MALRD1: variants seen among roughly 807,000 people sequenced by gnomAD.
MALRD1 encodes the protein MAM and LDL receptor class A domain containing 1.
MALRD1 carries 247 observed loss-of-function variants against 242.1 expected under a neutral mutation model. The ratio of observed to expected loss-of-function variants is 1.02; its 90% CI spans 0.92 to 1.13. MALRD1 has a LOEUF of 1.13. Ranked by LOEUF, MALRD1 falls within the 50% of genes most tolerant of loss-of-function variation. The pLI is 0.00. For synonymous variants in MALRD1, 995 were observed against 866.6 expected, an observed-to-expected ratio of 1.15 and a Z score of -2.60; for missense variants, 2,989 against 2,533.1, an observed-to-expected ratio of 1.18 and a Z score of -3.86.
chr10:19,177,129 A>C (rs988281913), intron 14 of MALRD1, among the ~76,000 whole-genome samples: 1 of 151,844 alleles, frequency 6.6e-6, no homozygotes, highest in Non-Finnish European at 1.5e-5. Flanking sequence ...ATACAAAAAA[A>C]TTAGCCAGGG....
At chr10:19,454,761 C>T (rs916195420) in intron 29 of MALRD1, among the ~76,000 whole-genome samples, 7 of 149,278 alleles carry the variant, frequency 4.7e-5, no homozygotes, top group African/African-American at 1.2e-4. Context: ...TTATATGTAC[C>T]GTAATATGTA....
At chr10:19,617,601 T>A (rs1262440245) in intron 36 of MALRD1, among the ~76,000 whole-genome samples, 1 of 152,016 alleles carries the variant, frequency 6.6e-6, no homozygotes, top group African/African-American at 2.4e-5. Context: ...TGAGTCTTTT[T>A]AAAATATACA....
At chr10:19,428,854 C>G (rs1834006688) in intron 28 of MALRD1, among the ~76,000 whole-genome samples, 1 of 152,032 alleles carries the variant, frequency 6.6e-6, no homozygotes, top group Non-Finnish European at 1.5e-5. Context: ...GAGAAATAAC[C>G]ATAAATTCAA....
At chr10:19,349,359 G>A (rs1284281839) in intron 25 of MALRD1, among the ~76,000 whole-genome samples, 1 of 152,156 alleles carries the variant, frequency 6.6e-6, no homozygotes, top group Admixed American at 6.6e-5. Flanking sequence ...CACTGCCATA[G>A]TATTAATACA....
At position 19,494,370 on chromosome 10, in the gene MALRD1, A is replaced by C. The variant is rs149831409; in HGVS notation, c.5158+2725A>C. Among the ~76,000 whole-genome samples, 8 of 152,342 alleles carry C rather than the reference A, an allele frequency of 5.3e-5. No homozygotes were observed. In the East Asian group the frequency reaches 1.5e-3, roughly 29 times the overall value. On this transcript the variant is annotated intron_variant, in intron 30 of 39. Transcript: ENST00000454679. ...AAGAACTCTGGCAACTCAAATGGCCAGAGTGTCTTCTGTTCTCCAAAGGAC... is the reference window on the plus strand; with the variant it reads ...AAGAACTCTGGCAACTCAAATGGCCCGAGTGTCTTCTGTTCTCCAAAGGAC...
Position 19,387,775 on chromosome 10 carries a change from TAGGTTA to T in MALRD1, c.4687+3_4687+8del. 6.5e-7 allele frequency: 1 copy of T among 1,546,134 alleles called. No individual in the cohort carries two copies. Among genetic ancestry groups the T allele is most frequent in the East Asian group, 2.4e-5 (1 of 40,878 alleles). ...ACCACACACTTGGAAATGAAAATGGTAGGTTATTAGATTGTTGTAATTGCTTTCACA... is the reference window on the plus strand; with the variant it reads ...ACCACACACTTGGAAATGAAAATGGTTTAGATTGTTGTAATTGCTTTCACA... On this transcript the variant is annotated splice_donor_5th_base_variant and intron_variant, in intron 27 of 39. Transcript: ENST00000454679.
intron 18 of MALRD1, among the ~76,000 whole-genome samples, chr10:19,239,388 G>A (rs1577295): frequency 6.6e-6 from 1 of 151,934 alleles, no homozygotes; most frequent in Non-Finnish European, 1.5e-5. Flanking sequence ...CTTATATAAT[G>A]TGGGCATTAA....
chr10:19,299,121 C>T (rs1009310305), intron 21 of MALRD1, among the ~76,000 whole-genome samples: 12 of 151,652 alleles, frequency 7.9e-5, no homozygotes, highest in African/African-American at 2.9e-4. Flanking sequence ...GAAAAGCTGA[C>T]AGATAAATGT....
At chr10:19,627,759 T>TAAAA (rs553942713) in intron 36 of MALRD1, among the ~76,000 whole-genome samples, 1,180 of 56,122 alleles carry the variant, frequency 0.021, 21 homozygotes, top group African/African-American at 0.036. Context: ...CAAGACTGTC[T>TAAAA]AAAAAAAAAA....
chr10:19,699,203 T>TATAATAATAATAATAATAATAATA (rs149007944), intron 38 of MALRD1, among the ~76,000 whole-genome samples: 2 of 147,220 alleles, frequency 1.4e-5, no homozygotes, highest in African/African-American at 5.1e-5. Context: ...GAACTTAAAG[T>TATAATAATAATAATAATAATAATA]ATAATAATAA....
intron 13 of MALRD1, among the ~76,000 whole-genome samples, chr10:19,167,214 C>A (rs1259113792): frequency 1.3e-5 from 2 of 151,912 alleles, no homozygotes; most frequent in African/African-American, 4.8e-5. Flanking sequence ...AAAAAATTAG[C>A]CGGGCATGGT....
intron 18 of MALRD1, among the ~76,000 whole-genome samples, chr10:19,251,528 G>C (rs765167452): frequency 2.0e-5 from 3 of 151,806 alleles, no homozygotes; most frequent in African/African-American, 4.8e-5. Context: ...TTCTCTGGCT[G>C]TTGCTTTTTC....
chr10:19,328,026 A>C (rs1231035793), intron 23 of MALRD1, among the ~76,000 whole-genome samples: 1 of 152,130 alleles, frequency 6.6e-6, no homozygotes, highest in Non-Finnish European at 1.5e-5. Context: ...CCTAATTTAA[A>C]AGATAGTCTT....
intron 21 of MALRD1, among the ~76,000 whole-genome samples, chr10:19,298,496 G>A (rs1000659604): frequency 6.6e-5 from 10 of 150,438 alleles, no homozygotes; most frequent in African/African-American, 2.5e-4. Flanking sequence ...AGAAAGGGAA[G>A]GGAAGCAAGG....
intron 14 of MALRD1, among the ~76,000 whole-genome samples, chr10:19,200,645 GTTTTTTTTTTTTTTTTT>G (rs71387053): frequency 2.9e-5 from 2 of 69,450 alleles, no homozygotes; most frequent in African/African-American, 5.9e-5. Flanking sequence ...CCTGCTTGAG[GTTTTTTTTTTTTTTTTT>G]TTTTTTTTTG....
At chr10:19,237,872 ATT>A (rs1300908748) in intron 18 of MALRD1, among the ~76,000 whole-genome samples, 11 of 97,778 alleles carry the variant, frequency 1.1e-4, no homozygotes, top group African/African-American at 3.3e-4. Flanking sequence ...ATTATATAGA[ATT>A]TTATATAGTT....
intron 8 of MALRD1, among the ~76,000 whole-genome samples, chr10:19,129,828 G>A (rs1057442187): frequency 3.4e-5 from 5 of 148,512 alleles, no homozygotes; most frequent in Non-Finnish European, 5.9e-5. Context: ...ACATCTATAT[G>A]TATGTGAGAT....
chr10:19,291,653 A>G (rs550214745), intron 21 of MALRD1, among the ~76,000 whole-genome samples: 3 of 152,286 alleles, frequency 2.0e-5, no homozygotes, highest in South Asian at 2.1e-4. Flanking sequence ...AGTGGGGAAG[A>G]TATTGCTAAA....
At chr10:19,096,537 A>G (rs1285357984) in intron 4 of MALRD1, among the ~76,000 whole-genome samples, 2 of 152,172 alleles carry the variant, frequency 1.3e-5, no homozygotes, top group African/African-American at 2.4e-5. Context: ...CTTTAGTTCT[A>G]TCCTGTCAGC....
Sources: allele counts gnomAD v4.1 joint callset (sites outside exome capture counted in the v4.1 genomes callset), GRCh38; gene constraint gnomAD v4.1.1; transcripts MANE v1.5; gene names NCBI Gene and HGNC (gene_info 2026-07-23, HGNC 2026-07-21).